BTRC: variants seen among roughly 807,000 people sequenced by gnomAD.
BTRC encodes the protein F-box/WD repeat-containing protein 1A.
Under a neutral mutation model 85.5 loss-of-function variants are expected in BTRC, and 42 were observed. The observed-to-expected ratio is 0.49, with a 90% CI of 0.38 to 0.64. The LOEUF (loss-of-function observed/expected upper bound fraction) is 0.64, where lower values mean the gene tolerates loss of function less well. BTRC is among the 30% of genes least tolerant of loss of function. BTRC has a pLI of 0.00. For synonymous variants in BTRC, 255 were observed against 263.3 expected (o/e 0.97, Z 0.30); for missense variants, 594 against 743.5 (o/e 0.80, Z 2.34).
At chr10:101,357,050 A>G (rs573205487) in intron 1 of BTRC, among the ~76,000 whole-genome samples, 24 of 151,666 alleles carry the variant, frequency 1.6e-4, no homozygotes, top group African/African-American at 5.8e-4. Flanking sequence ...AATGGCGTGA[A>G]CCCGGGAGGT....
Position 101,493,184 on chromosome 10 carries a change from G to A in BTRC, c.324+13727G>A, listed in dbSNP as rs183137681. Among the ~76,000 whole-genome samples the A allele has an allele frequency of 5.3e-5, 8 of 152,128 alleles. No homozygotes were observed. The East Asian group carries it at 1.3e-3, about 26-fold the overall frequency. On this transcript the variant is annotated intron_variant, in intron 4 of 14. Coordinates refer to ENST00000370187, the MANE Select transcript of BTRC (RefSeq NM_033637.4). ...TATAGGATTTATTTTCACTTGCACGGGTAGGTTCTCAAAATGTATTTGAAT... is the reference window on the plus strand; with the variant it reads ...TATAGGATTTATTTTCACTTGCACGAGTAGGTTCTCAAAATGTATTTGAAT...
At chr10:101,476,391 C>T (rs978827952) in intron 3 of BTRC, among the ~76,000 whole-genome samples, 3 of 152,066 alleles carry the variant, frequency 2.0e-5, no homozygotes, top group Non-Finnish European at 2.9e-5. Context: ...TTCTTAGTTT[C>T]GATAAATGTT....
intron 2 of BTRC, among the ~76,000 whole-genome samples, chr10:101,444,293 A>AT (rs1159233522): frequency 1.3e-5 from 2 of 152,092 alleles, no homozygotes; most frequent in Admixed American, 6.6e-5. Context: ...TTGATCATAG[A>AT]TTTTCAATCC....
chr10:101,447,158 A>G (rs1237571026), intron 2 of BTRC, among the ~76,000 whole-genome samples: 1 of 152,190 alleles, frequency 6.6e-6, no homozygotes, highest in African/African-American at 2.4e-5. Flanking sequence ...CATGTAGGTC[A>G]TTTAATTATC....
intron 2 of BTRC, among the ~76,000 whole-genome samples, chr10:101,436,682 C>G (rs116279069): frequency 6.8e-6 from 1 of 146,062 alleles, no homozygotes; most frequent in South Asian, 2.2e-4. Flanking sequence ...TTATATGGCC[C>G]TAGAATACTT....
chr10:101,475,144 C>G (rs1945643516), intron 3 of BTRC, among the ~76,000 whole-genome samples: 1 of 152,274 alleles, frequency 6.6e-6, no homozygotes, highest in Middle Eastern at 3.4e-3. Flanking sequence ...AATCTGTACA[C>G]TAATTTCTAA....
chr10:101,463,033 A>G (rs796320070), intron 3 of BTRC, among the ~76,000 whole-genome samples: 2 of 148,370 alleles, frequency 1.3e-5, no homozygotes, highest in African/African-American at 5.0e-5. Flanking sequence ...ATGCCTGGCT[A>G]ATTTTTGTAT....
intron 6 of BTRC, among the ~76,000 whole-genome samples, chr10:101,528,696 CT>C (rs940060363): frequency 6.6e-6 from 1 of 151,964 alleles, no homozygotes; most frequent in Non-Finnish European, 1.5e-5. Flanking sequence ...GTTTTCTTCC[CT>C]TTTTTAAAAA....
chr10:101,389,135 T>G (rs1479951945), intron 1 of BTRC, among the ~76,000 whole-genome samples: 3 of 140,282 alleles, frequency 2.1e-5, no homozygotes, highest in Non-Finnish European at 4.6e-5. Flanking sequence ...TTTTTTTTTT[T>G]TTTTTTTTTT....
In BTRC at chr10:101,430,347, C is replaced by G. The variant is rs1210538913; in HGVS notation, c.51C>G (p.Cys17Trp). 1 of 1,612,600 alleles carries G rather than the reference C, an allele frequency of 6.2e-7. No homozygotes were observed. The highest frequency in any genetic ancestry group is 8.5e-7 in the Non-Finnish European group (1 of 1,179,022). ...VLQEKALKFMCSMPRSLWLGC... is the reference protein window; with the variant it reads ...VLQEKALKFMWSMPRSLWLGC... Reference sequence around the variant, plus strand: ...TCATAGTTGTCCTCTCTCTGCAGTGCTCTATGCCCAGGTCTCTGTGGCTGG... The same window carrying G: ...TCATAGTTGTCCTCTCTCTGCAGTGGTCTATGCCCAGGTCTCTGTGGCTGG... The change falls in exon 2 of 15, where the codon TGC becomes TGG. Residue 17 changes from cysteine to tryptophan, a missense_variant and splice_region_variant. This residue lies in a region of BTRC where 163 missense variants were observed against 180.5 expected (regional missense o/e 0.90). Coordinates refer to ENST00000370187, the MANE Select transcript of BTRC (RefSeq NM_033637.4).
chr10:101,531,945 G>A (rs1443753147), intron 7 of BTRC, among the ~76,000 whole-genome samples: 1 of 152,128 alleles, frequency 6.6e-6, no homozygotes, highest in African/African-American at 2.4e-5. Flanking sequence ...AAGTTCATCA[G>A]TAGCAATCAG....
chr10:101,444,392 T>C (rs776229910), intron 2 of BTRC, among the ~76,000 whole-genome samples: 1 of 152,218 alleles, frequency 6.6e-6, no homozygotes, highest in Non-Finnish European at 1.5e-5. Flanking sequence ...GTCTATTGCA[T>C]ACAAGGTATA....
chr10:101,397,294 G>A (rs556307239), intron 1 of BTRC, among the ~76,000 whole-genome samples: 1 of 152,314 alleles, frequency 6.6e-6, no homozygotes, highest in South Asian at 2.1e-4. Flanking sequence ...AATGAAAACA[G>A]CCCAGATAAG....
chr10:101,405,463 C>G (rs1943597467), intron 1 of BTRC, among the ~76,000 whole-genome samples: 1 of 152,178 alleles, frequency 6.6e-6, no homozygotes, highest in Non-Finnish European at 1.5e-5. Context: ...TTACGATACT[C>G]CTTCTGCACT....
intron 1 of BTRC, among the ~76,000 whole-genome samples, chr10:101,359,066 G>A (rs1942125358): frequency 6.6e-6 from 1 of 152,138 alleles, no homozygotes; most frequent in African/African-American, 2.4e-5. Context: ...AACTTCGGAA[G>A]GCACTAACAT....
intron 4 of BTRC, among the ~76,000 whole-genome samples, chr10:101,515,728 G>C (rs1392284210): frequency 1.3e-5 from 2 of 152,046 alleles, no homozygotes; most frequent in African/African-American, 4.8e-5. Context: ...AGCCAGGATG[G>C]TCTTGATCTC....
intron 2 of BTRC, among the ~76,000 whole-genome samples, chr10:101,442,557 ATATAT>A (rs1367410436): frequency 1.3e-5 from 2 of 152,100 alleles, no homozygotes; most frequent in African/African-American, 2.4e-5. Flanking sequence ...AAAAATTAAG[ATATAT>A]TTTATTAGGC....
At chr10:101,509,622 G>T (rs980662941) in intron 4 of BTRC, among the ~76,000 whole-genome samples, 1 of 148,992 alleles carries the variant, frequency 6.7e-6, no homozygotes, top group Admixed American at 6.7e-5. Flanking sequence ...GCATGACCAC[G>T]GCTCACTGCA....
intron 1 of BTRC, among the ~76,000 whole-genome samples, chr10:101,389,116 T>G (rs1943160921): frequency 1.8e-5 from 1 of 54,084 alleles, no homozygotes; most frequent in Non-Finnish European, 3.7e-5. Context: ...ATTTTTTGTG[T>G]GTGTTTTTTT....
Sources: gnomAD v4.1 joint callset for allele counts (sites outside exome capture counted in the v4.1 genomes callset) on GRCh38, gnomAD v4.1.1 for gene constraint, gnomAD v4.1.1 regional missense constraint, MANE v1.5 for transcripts, NCBI Gene and HGNC (gene_info 2026-07-23, HGNC 2026-07-21) for gene names.